Variants in GAS7 observed in about 807,000 individuals in gnomAD.
GAS7 encodes growth arrest-specific protein 7.
In GAS7, 28 loss-of-function variants were observed where a neutral mutation model predicts 71.1. The observed-to-expected ratio is 0.39, with a 90% CI of 0.29 to 0.54. The LOEUF is 0.54. Ranked by LOEUF, GAS7 falls within the 20% of genes least tolerant of loss-of-function variation. The pLI, the probability that GAS7 is intolerant of heterozygous loss-of-function variation, is 0.62. For missense variants in GAS7, 436 were observed against 627.8 expected (o/e 0.69, Z 3.27); for synonymous variants, 258 against 245.8 (o/e 1.05, Z -0.46).
intron 1 of GAS7, among the ~76,000 whole-genome samples, chr17:10,135,174 A>G (rs2074028846): frequency 6.6e-6 from 1 of 152,070 alleles, no homozygotes; most frequent in African/African-American, 2.4e-5. Flanking sequence ...GGCAGTTTAC[A>G]CAGAAATTTC....
At chr17:10,053,782 G>C (rs1306898919) in intron 1 of GAS7, among the ~76,000 whole-genome samples, 4 of 152,194 alleles carry the variant, frequency 2.6e-5, no homozygotes, top group Non-Finnish European at 5.9e-5. Flanking sequence ...TCTTTGGCTA[G>C]GGAGCCTCAC....
At chr17:10,095,788 C>T (rs949265034) in intron 1 of GAS7, among the ~76,000 whole-genome samples, 6 of 144,590 alleles carry the variant, frequency 4.1e-5, no homozygotes, top group African/African-American at 1.3e-4. Flanking sequence ...GGTGACAGAG[C>T]GAGACTCCAT....
At chr17:10,110,296 T>C (rs2073799046) in intron 1 of GAS7, among the ~76,000 whole-genome samples, 1 of 151,960 alleles carries the variant, frequency 6.6e-6, no homozygotes, top group African/African-American at 2.4e-5. Context: ...AAGCCAGGCA[T>C]AGAAAGACAA....
At chr17:9,930,498 C>T (rs548026824) in intron 9 of GAS7, among the ~76,000 whole-genome samples, 2 of 152,238 alleles carry the variant, frequency 1.3e-5, no homozygotes, top group Non-Finnish European at 2.9e-5. Flanking sequence ...ATGAGATTTT[C>T]TATCAGCAGA....
intron 1 of GAS7, chr17:10,059,853 C>T (rs1443857783): frequency 3.1e-6 from 3 of 975,334 alleles, no homozygotes; most frequent in South Asian, 9.5e-5. Flanking sequence ...AAAATAGAGA[C>T]TTGACGTTGC....
chr17:10,186,251 G>A (rs1036523669), intron 1 of GAS7, among the ~76,000 whole-genome samples: 8 of 151,842 alleles, frequency 5.3e-5, no homozygotes, highest in Non-Finnish European at 8.8e-5. Flanking sequence ...GCTACCGCGC[G>A]TGGCCAGAGT....
intron 1 of GAS7, among the ~76,000 whole-genome samples, chr17:10,089,115 C>T (rs566157616): frequency 8.6e-5 from 13 of 151,856 alleles, no homozygotes; most frequent in Admixed American, 1.3e-4. Flanking sequence ...GAGCAGAGAT[C>T]GTGTCATTGC....
intron 1 of GAS7, among the ~76,000 whole-genome samples, chr17:10,094,879 TAC>T (rs1218912048): frequency 1.3e-5 from 2 of 152,196 alleles, no homozygotes; most frequent in Admixed American, 6.5e-5. Flanking sequence ...AGCAAGAAGA[TAC>T]AGTTTATCAT....
intron 1 of GAS7, among the ~76,000 whole-genome samples, chr17:10,171,270 C>T (rs2074333195): frequency 6.6e-6 from 1 of 152,322 alleles, no homozygotes; most frequent in South Asian, 2.1e-4. Flanking sequence ...ACACCAGCCC[C>T]TCCTGCCAGA....
intron 1 of GAS7, among the ~76,000 whole-genome samples, chr17:10,023,234 C>G (rs2072338891): frequency 6.6e-6 from 1 of 152,218 alleles, no homozygotes; most frequent in Non-Finnish European, 1.5e-5. Flanking sequence ...CGCACTCTGC[C>G]TCCATCTCCC....
At chr17:9,932,185 TC>T (rs974133203) in intron 9 of GAS7, among the ~76,000 whole-genome samples, 54 of 134,480 alleles carry the variant, frequency 4.0e-4, no homozygotes, top group Non-Finnish European at 7.5e-4. Context: ...CTCTGAAAGG[TC>T]CCCCCCGCTT....
intron 4 of GAS7, among the ~76,000 whole-genome samples, chr17:9,961,864 G>A (rs1348436089): frequency 3.3e-5 from 5 of 152,106 alleles, no homozygotes; most frequent in African/African-American, 9.7e-5. Flanking sequence ...TCTATCTTCC[G>A]CCATCTCTCC....
Position 10,082,660 on chromosome 17 carries a change from G to A in GAS7, c.184-62763C>T, listed in dbSNP as rs377206855. 3.2e-4 allele frequency among the ~76,000 whole-genome samples: 49 copies of A among 152,318 alleles called. No individual in the cohort carries two copies. The East Asian group carries it at 5.4e-3, about 17-fold the overall frequency. On this transcript the variant is annotated intron_variant, in intron 1 of 13. Coordinates refer to ENST00000432992, the MANE Select transcript of GAS7 (RefSeq NM_201433.2). ...ACTCCTACGTACTTATGCCAGAAAA[G>A]TGAAAATGTGTCCGAAAAACCTATA... is the stretch of plus-strand genomic sequence containing the variant.
intron 5 of GAS7, among the ~76,000 whole-genome samples, chr17:9,956,429 A>G (rs11867540): frequency 0.021 from 3,159 of 152,234 alleles, 104 homozygotes; most frequent in African/African-American, 0.067. Flanking sequence ...GGTGTCCCCA[A>G]ATTCCTCTTT....
At chr17:9,918,272 A>G (rs930607427) in intron 12 of GAS7, among the ~76,000 whole-genome samples, 173 bp from the exon 13 acceptor site, 3 of 129,158 alleles carry the variant, frequency 2.3e-5, no homozygotes, top group Non-Finnish European at 3.2e-5. Flanking sequence ...AGCTGATGAC[A>G]GCAGCAGCGG....
intron 2 of GAS7, among the ~76,000 whole-genome samples, chr17:9,988,237 G>A (rs1175659429): frequency 6.6e-6 from 1 of 152,196 alleles, no homozygotes; most frequent in East Asian, 1.9e-4. Flanking sequence ...GTCCTCACAA[G>A]GAGGGTCTGC....
At position 9,943,134 on chromosome 17, in the gene GAS7, A is replaced by G; in HGVS notation, c.718T>C (p.Phe240Leu). The change falls in exon 7 of 14, where the codon TTC becomes CTC. Residue 240 changes from phenylalanine to leucine, a missense_variant. By Grantham distance (22) the Phe-to-Leu change is conservative (BLOSUM62 0). Transcript: ENST00000432992. Reference sequence around the variant, plus strand: ...CCCAGGCTTCACCTTTCCCGGATGAATTCTGACATTTCCTTCTGCATTTGT... The same window carrying G: ...CCCAGGCTTCACCTTTCCCGGATGAGTTCTGACATTTCCTTCTGCATTTGT... ...GKQMQKEMSE[F>L]IRERIKIEED... is the part of the protein sequence containing the mutation. The G allele has an allele frequency of 6.2e-7, 1 of 1,608,326 alleles. No individual in the cohort carries two copies. The highest frequency in any genetic ancestry group is 1.1e-5 in the South Asian group (1 of 90,950).
At chr17:10,133,122 A>ATATATATATATATATATATATT (rs1392845338) in intron 1 of GAS7, among the ~76,000 whole-genome samples, 2 of 118,882 alleles carry the variant, frequency 1.7e-5, no homozygotes, top group African/African-American at 6.1e-5. Context: ...ATATTTTTAT[A>ATATATATATATATATATATATT]TTTTTTTTTT....
intron 1 of GAS7, among the ~76,000 whole-genome samples, chr17:10,035,140 GTTC>G (rs142114622): frequency 0.12 from 17,844 of 151,804 alleles, 1,246 homozygotes; most frequent in Middle Eastern, 0.16. Context: ...GCCCTTCAGT[GTTC>G]TTCTTCTCTG....
Sources: allele counts gnomAD v4.1 joint callset (sites outside exome capture counted in the v4.1 genomes callset), GRCh38; gene constraint gnomAD v4.1.1; transcripts MANE v1.5; gene names NCBI Gene and HGNC (gene_info 2026-07-23, HGNC 2026-07-21).